Variants in TENM2 observed in about 807,000 individuals in gnomAD.
The protein encoded by TENM2 is teneurin-2.
In TENM2, 52 loss-of-function variants were observed where a neutral mutation model predicts 245.2. The observed-to-expected ratio is 0.21, with a 90% confidence interval of 0.17 to 0.27. The LOEUF (loss-of-function observed/expected upper bound fraction) is 0.27. TENM2 is among the 10% of genes least tolerant of loss of function. The probability of loss-of-function intolerance (pLI) is 1.00; values close to 1 mark genes in which losing one functional copy is unlikely to be tolerated. For missense variants in TENM2, 3,046 were observed against 3,666.8 expected, an observed-to-expected ratio of 0.83 and a Z score of 4.37; for synonymous variants, 1,363 against 1,438.9, an observed-to-expected ratio of 0.95 and a Z score of 1.19.
At chr5:166,990,665 TAATG>T in the TENM2 span, among the ~76,000 whole-genome samples, 4 of 152,184 alleles carry the variant, frequency 2.6e-5, no homozygotes, top group East Asian at 1.9e-4. Flanking sequence ...TACAAAATGA[TAATG>T]AAGATATTTA....
At chr5:167,116,607 C>T in the TENM2 span, 1 of 152,070 alleles carries the variant, frequency 6.6e-6, no homozygotes, top group African/African-American at 2.4e-5. Context: ...TTTGGGTAGC[C>T]TGGCTCGGGA....
At chr5:167,470,478 C>CTTTTTTTTTTTTTTTTTTTTTTTTTTTTT (rs1582137507) in intron 2 of TENM2, among the ~76,000 whole-genome samples, 1 of 18,926 alleles carries the variant, frequency 5.3e-5, no homozygotes, top group African/African-American at 1.9e-4. Flanking sequence ...TTTTTTTTTG[C>CTTTTTTTTTTTTTTTTTTTTTTTTTTTTT]TTATGGAAGG....
At chr5:167,197,736 T>C in the TENM2 span, among the ~76,000 whole-genome samples, 1 of 152,002 alleles carries the variant, frequency 6.6e-6, no homozygotes, top group African/African-American at 2.4e-5. Flanking sequence ...TCTGGACACC[T>C]TCAAAATAGT....
chr5:167,499,914 A>ATG (rs376503595), intron 2 of TENM2, among the ~76,000 whole-genome samples: 1 of 63,718 alleles, frequency 1.6e-5, no homozygotes, highest in African/African-American at 7.0e-5. Context: ...GAGGGTGTAT[A>ATG]TGTGTGTGTG....
intron 3 of TENM2, among the ~76,000 whole-genome samples, chr5:167,877,473 A>G (rs886209337): frequency 3.3e-5 from 5 of 152,232 alleles, no homozygotes; most frequent in Admixed American, 6.5e-5. Context: ...TTAATCTACC[A>G]TAAATCTTTA....
intron 14 of TENM2, among the ~76,000 whole-genome samples, chr5:168,193,682 G>A (rs753039310): frequency 6.6e-6 from 1 of 152,164 alleles, no homozygotes; most frequent in Non-Finnish European, 1.5e-5. Context: ...ACTCCATTGT[G>A]GAATGTACTT....
chr5:167,891,737 G>A (rs1252607903), intron 3 of TENM2, among the ~76,000 whole-genome samples: 1 of 152,146 alleles, frequency 6.6e-6, no homozygotes, highest in Non-Finnish European at 1.5e-5. Flanking sequence ...CCTATCATGT[G>A]TCCACCATGT....
chr5:167,544,630 A>G (rs1484917461), intron 2 of TENM2, among the ~76,000 whole-genome samples: 1 of 152,170 alleles, frequency 6.6e-6, no homozygotes, highest in Admixed American at 6.5e-5. Flanking sequence ...ATATTGATTC[A>G]TTAATTCATC....
chr5:167,624,722 C>T (rs1778389561), intron 2 of TENM2, among the ~76,000 whole-genome samples: 1 of 152,198 alleles, frequency 6.6e-6, no homozygotes, highest in Admixed American at 6.5e-5. Flanking sequence ...TATTTTGGCT[C>T]TGCCAGTTAT....
At chr5:167,603,064 C>A (rs1776753328) in intron 2 of TENM2, among the ~76,000 whole-genome samples, 1 of 152,086 alleles carries the variant, frequency 6.6e-6, no homozygotes, top group African/African-American at 2.4e-5. Flanking sequence ...ACAAAAGTAA[C>A]CAGTTGACCA....
At chr5:167,971,393 T>C (rs1561996948) in intron 4 of TENM2, among the ~76,000 whole-genome samples, 1 of 117,846 alleles carries the variant, frequency 8.5e-6, no homozygotes, top group African/African-American at 3.6e-5. Flanking sequence ...TCAACATGAA[T>C]TGGGTTGGCC....
intron 2 of TENM2, among the ~76,000 whole-genome samples, chr5:167,555,914 T>A (rs967172682): frequency 5.3e-5 from 8 of 152,070 alleles, no homozygotes; most frequent in African/African-American, 1.9e-4. Context: ...AAAAAGAAGA[T>A]AGAAGAGAAA....
the TENM2 span, among the ~76,000 whole-genome samples, chr5:167,038,779 T>C: frequency 6.6e-6 from 1 of 152,190 alleles, no homozygotes; most frequent in Non-Finnish European, 1.5e-5. Flanking sequence ...ATTAAGAATA[T>C]AAAGTCAGTG....
chr5:168,013,049 A>G (rs1205982880), intron 5 of TENM2, among the ~76,000 whole-genome samples: 1 of 152,176 alleles, frequency 6.6e-6, no homozygotes, highest in Non-Finnish European at 1.5e-5. Context: ...GTGGAGAAAT[A>G]TTCAAATTAT....
intron 1 of TENM2, among the ~76,000 whole-genome samples, chr5:167,312,814 G>T (rs1756118076): frequency 6.6e-6 from 1 of 151,842 alleles, no homozygotes; most frequent in Non-Finnish European, 1.5e-5. Context: ...AGTGTTCTCG[G>T]AGGGTTCAGC....
chr5:167,069,023 A>G, the TENM2 span, among the ~76,000 whole-genome samples: 16 of 152,168 alleles, frequency 1.1e-4, no homozygotes, highest in Admixed American at 2.6e-4. Flanking sequence ...TGAAACTCAT[A>G]TGCTCGTATT....
intron 2 of TENM2, among the ~76,000 whole-genome samples, chr5:167,749,802 T>C (rs1437752241): frequency 6.6e-6 from 1 of 152,138 alleles, no homozygotes; most frequent in Non-Finnish European, 1.5e-5. Context: ...TTGAAACCTA[T>C]ATTTTTAAAT....
chr5:168,057,579 A>T (rs2152077575), intron 6 of TENM2, among the ~76,000 whole-genome samples: 1 of 152,288 alleles, frequency 6.6e-6, no homozygotes, highest in Middle Eastern at 3.4e-3. Flanking sequence ...AACATTTCGA[A>T]GTCATTAAGT....
chr5:167,209,685 AT>A, the TENM2 span, among the ~76,000 whole-genome samples: 176 of 151,782 alleles, frequency 1.2e-3, 1 homozygote, highest in African/African-American at 4.1e-3. Context: ...ATGATTCCCC[AT>A]TTTTTCCCCC....
Sources: gnomAD v4.1 joint callset for allele counts (sites outside exome capture counted in the v4.1 genomes callset) on GRCh38, gnomAD v4.1.1 for gene constraint, MANE v1.5 for transcripts, NCBI Gene and HGNC (gene_info 2026-07-23, HGNC 2026-07-21) for gene names.